Variants in IQSEC1 observed in about 807,000 individuals in gnomAD.
IQSEC1 encodes IQ motif and Sec7 domain ArfGEF 1.
In IQSEC1, 31 loss-of-function variants were observed where a neutral mutation model predicts 91.0. The ratio of observed to expected loss-of-function variants is 0.34; its 90% CI spans 0.26 to 0.46. IQSEC1 has a LOEUF of 0.46. Among genes scored for constraint, IQSEC1 ranks in the 20% least tolerant of loss-of-function variants. The pLI is 1.00. For missense variants in IQSEC1, 1,388 were observed against 1,575.6 expected, an observed-to-expected ratio of 0.88 and a Z score of 2.02; for synonymous variants, 699 against 662.6, an observed-to-expected ratio of 1.05 and a Z score of -0.84.
chr3:13,205,297 C>T (rs1289815488), intron 1 of IQSEC1, among the ~76,000 whole-genome samples: 1 of 152,064 alleles, frequency 6.6e-6, no homozygotes, highest in Non-Finnish European at 1.5e-5. Context: ...CTCACCTCCA[C>T]CTGGGATACA....
At chr3:13,084,713 C>T (rs916100692) in intron 2 of IQSEC1, among the ~76,000 whole-genome samples, 6 of 152,274 alleles carry the variant, frequency 3.9e-5, no homozygotes, top group African/African-American at 1.4e-4. Flanking sequence ...AGGCTCTGAA[C>T]CGACTCAGCT....
Position 13,276,155 on chromosome 3 carries a change from C to T in IQSEC1, c.272+6556G>A, listed in dbSNP as rs577950598. ...TCAGGCTGGAGTGCAATGGCGTGATCTCGGCTCACTGCAAGCTCTGCCTCC... is the reference window on the plus strand; with the variant it reads ...TCAGGCTGGAGTGCAATGGCGTGATTTCGGCTCACTGCAAGCTCTGCCTCC... On this transcript the variant is annotated intron_variant, in intron 1 of 15. Transcript: ENST00000648114. Among the ~76,000 whole-genome samples the T allele has an allele frequency of 3.3e-5, 4 of 121,158 alleles. No individual in the cohort carries two copies. The South Asian group carries it at 1.2e-3, about 36-fold the overall frequency. The allele number at this position is 121,158 out of a possible 152,430, so 79.5% of individuals were successfully genotyped here. A position where few individuals can be genotyped will look rare whatever the true frequency, so the allele number is the denominator to read the frequency against.
At chr3:12,942,786 TG>T (rs1698875356) in intron 1 of IQSEC1, among the ~76,000 whole-genome samples, 1 of 152,168 alleles carries the variant, frequency 6.6e-6, no homozygotes, top group South Asian at 2.1e-4. Flanking sequence ...TTGTGGACAC[TG>T]GGGTGTCCTG....
At chr3:13,088,635 C>T (rs991176353) in intron 2 of IQSEC1, among the ~76,000 whole-genome samples, 1 of 152,148 alleles carries the variant, frequency 6.6e-6, no homozygotes, top group African/African-American at 2.4e-5. Flanking sequence ...CAGTACCCTC[C>T]CGGGGACCCC....
chr3:13,019,798 C>G (rs545163008), intron 1 of IQSEC1, among the ~76,000 whole-genome samples: 1 of 152,184 alleles, frequency 6.6e-6, no homozygotes, highest in African/African-American at 2.4e-5. Context: ...GGAGGCCACC[C>G]GCCAGTGCTC....
At position 12,936,639 on chromosome 3, in the gene IQSEC1, G is replaced by A. The variant is rs149221542; in HGVS notation, c.377C>T (p.Thr126Ile). 3.7e-6 allele frequency: 6 copies of A among 1,609,440 alleles called. No homozygotes were observed. Among genetic ancestry groups the A allele is most frequent in the Non-Finnish European group, 5.1e-6 (6 of 1,178,288 alleles). ...GTACTGGCGAAACGCCGTCTGGATG[G>A]TGCGGGCCGCATGGCGGGTTACCAG... ...GRLVTRHAAR[T>I]IQTAFRQYQM... The change falls in exon 3 of 14, where the codon ACC (threonine) becomes ATC (isoleucine). Residue 126 changes from threonine to isoleucine, a missense_variant. Thr to Ile is a moderately conservative substitution (Grantham distance 89). Around this residue, in one of 2 missense-constraint regions of IQSEC1, gnomAD observed 1,059 missense variants for 1,317.8 expected, o/e 0.80. Coordinates refer to ENST00000613206, the MANE Select transcript of IQSEC1 (RefSeq NM_001134382.3).
chr3:12,988,327 A>G (rs964800050), intron 1 of IQSEC1, among the ~76,000 whole-genome samples: 4 of 152,156 alleles, frequency 2.6e-5, no homozygotes, highest in African/African-American at 9.7e-5. Context: ...CGGCAGGAGA[A>G]TTGCTTGAAC....
intron 2 of IQSEC1, among the ~76,000 whole-genome samples, chr3:13,099,629 C>T (rs1429936664): frequency 6.6e-6 from 1 of 152,180 alleles, no homozygotes; most frequent in Non-Finnish European, 1.5e-5. Flanking sequence ...TTACCTATTG[C>T]CCGGGGCTGG....
chr3:13,254,118 C>T (rs1375355994), intron 1 of IQSEC1, among the ~76,000 whole-genome samples: 2 of 152,266 alleles, frequency 1.3e-5, no homozygotes, highest in East Asian at 3.8e-4. Flanking sequence ...TCCTGGCTGG[C>T]ATCACAACGC....
At chr3:12,971,292 G>C (rs1367566484) in intron 1 of IQSEC1, among the ~76,000 whole-genome samples, 1 of 152,170 alleles carries the variant, frequency 6.6e-6, no homozygotes, top group Non-Finnish European at 1.5e-5. Flanking sequence ...GAAATGATAG[G>C]GCTGGGCCAG....
intron 2 of IQSEC1, among the ~76,000 whole-genome samples, chr3:13,147,319 A>T (rs1213630608): frequency 1.5e-5 from 1 of 67,414 alleles, no homozygotes; most frequent in African/African-American, 5.6e-5. Context: ...CCCCCCTCCC[A>T]CCCTCCCTCT....
intron 1 of IQSEC1, among the ~76,000 whole-genome samples, chr3:13,166,849 A>C (rs2124992445): frequency 6.6e-6 from 1 of 152,334 alleles, no homozygotes; most frequent in African/African-American, 2.4e-5. Context: ...CCCACACTCC[A>C]ACAGCAACAC....
chr3:13,164,694 T>G (rs1303987232), intron 1 of IQSEC1, among the ~76,000 whole-genome samples: 1 of 152,232 alleles, frequency 6.6e-6, no homozygotes, highest in African/African-American at 2.4e-5. Context: ...ATTGCGCACT[T>G]GAACTTTCAC....
intron 9 of IQSEC1, among the ~76,000 whole-genome samples, chr3:12,912,595 C>T (rs952371271): frequency 5.0e-5 from 7 of 139,860 alleles, no homozygotes; most frequent in South Asian, 2.3e-4. Context: ...ACCCGGGAAG[C>T]GGAGCTTGCA....
chr3:13,197,346 A>G (rs1694153635), intron 1 of IQSEC1, among the ~76,000 whole-genome samples: 1 of 152,184 alleles, frequency 6.6e-6, no homozygotes. Flanking sequence ...GGGGCGCTGG[A>G]GGGTGGGGTG....
chr3:13,174,275 G>A (rs1045754695), intron 1 of IQSEC1, among the ~76,000 whole-genome samples: 12 of 152,246 alleles, frequency 7.9e-5, no homozygotes, highest in African/African-American at 2.2e-4. Context: ...TGATGACCCC[G>A]GAAAGGCTTT....
chr3:13,171,889 G>A (rs991849925), intron 1 of IQSEC1, among the ~76,000 whole-genome samples: 5 of 152,146 alleles, frequency 3.3e-5, no homozygotes, highest in Admixed American at 6.5e-5. Context: ...CAAGCGTCCC[G>A]GGCCAAAGGG....
At chr3:12,939,361 G>A (rs1698540144) in intron 2 of IQSEC1, among the ~76,000 whole-genome samples, 1 of 152,184 alleles carries the variant, frequency 6.6e-6, no homozygotes, top group South Asian at 2.1e-4. Context: ...GATGACACAG[G>A]GACAGTACCT....
chr3:13,101,368 G>A (rs1289599366), intron 2 of IQSEC1, among the ~76,000 whole-genome samples: 6 of 149,490 alleles, frequency 4.0e-5, no homozygotes, highest in Non-Finnish European at 5.9e-5. Context: ...CCAATGAGCC[G>A]AGATTGAGCC....
Sources: allele counts gnomAD v4.1 joint callset (sites outside exome capture counted in the v4.1 genomes callset), GRCh38; gene constraint gnomAD v4.1.1; regional missense constraint gnomAD v4.1.1; transcripts MANE v1.5; gene names NCBI Gene and HGNC (gene_info 2026-07-23, HGNC 2026-07-21).